HSPA4: variants seen among roughly 807,000 people sequenced by gnomAD.
HSPA4 encodes the protein heat shock 70 kDa protein 4.
Under a neutral mutation model 106.2 loss-of-function variants are expected in HSPA4, and 25 were observed. The observed-to-expected ratio is 0.24, with a 90% CI of 0.17 to 0.33. The LOEUF (loss-of-function observed/expected upper bound fraction) is 0.33. Among genes scored for constraint, HSPA4 ranks in the 10% least tolerant of loss-of-function variants. The pLI, the probability that HSPA4 is intolerant of heterozygous loss-of-function variation, is 1.00. For missense variants in HSPA4, 841 were observed against 996.0 expected (o/e 0.84, Z 2.10); for synonymous variants, 332 against 333.6 (o/e 1.00, Z 0.05).
chr5:133,095,154 AC>A (rs1765695052), intron 13 of HSPA4, among the ~76,000 whole-genome samples: 1 of 152,138 alleles, frequency 6.6e-6, no homozygotes, highest in African/African-American at 2.4e-5. Context: ...TACTAAAAAT[AC>A]AAAAATTAGC....
Position 133,091,848 on chromosome 5 carries a change from A to G in HSPA4, c.1560+474A>G, listed in dbSNP as rs540269568. Among the ~76,000 whole-genome samples the G allele has an allele frequency of 1.1e-4, 17 of 152,048 alleles. 1 individual carries two copies. The South Asian group carries it at 3.5e-3, about 32-fold the overall frequency. Reference sequence around the variant, plus strand: ...TGAGGCCAGCCTGGGCAACAAAGTGAGACCCTCATCTCTACAAAAAGTTAA... The same window carrying G: ...TGAGGCCAGCCTGGGCAACAAAGTGGGACCCTCATCTCTACAAAAAGTTAA... On this transcript the variant is annotated intron_variant, in intron 12 of 18. Coordinates refer to ENST00000304858, the MANE Select transcript of HSPA4 (RefSeq NM_002154.4).
In HSPA4 at chr5:133,106,114, T is replaced by G. The variant is rs1404442782; in HGVS notation, c.*1678T>G. 7 of 52,952 alleles carry G rather than the reference T, an allele frequency of 1.3e-4. No homozygotes were observed. The highest frequency in any genetic ancestry group is 7.1e-4 in the African/African-American group (6 of 8,472). The allele number at this position is 52,952 out of a possible 1,614,324, so 3.3% of individuals were successfully genotyped here. ...TAAAAAAAAAAAAATTTTTTTTTTT[T>G]TTTTTTTTTTTTTTTTTTTTTTTTT... On this transcript the variant is annotated 3_prime_UTR_variant, in exon 19 of 19. Transcript: ENST00000304858.
chr5:133,052,422 A>AC (rs1765093033), intron 1 of HSPA4, 65 bp downstream of exon 1: 3 of 1,117,554 alleles, frequency 2.7e-6, no homozygotes, highest in Admixed American at 2.8e-5. Flanking sequence ...CCAGTCTGGG[A>AC]CCCTCGCTGC....
chr5:133,053,131 G>A (rs187301443), intron 1 of HSPA4, among the ~76,000 whole-genome samples: 17 of 152,216 alleles, frequency 1.1e-4, no homozygotes, highest in Non-Finnish European at 2.4e-4. Context: ...TCAAGGGCCC[G>A]CCTTGACTTC....
chr5:133,062,925 A>G (rs566732852), intron 1 of HSPA4, among the ~76,000 whole-genome samples: 1 of 152,238 alleles, frequency 6.6e-6, no homozygotes, highest in South Asian at 2.1e-4. Context: ...TCAGTAGTTC[A>G]TCTAATTTAG....
chr5:133,069,649 A>G (rs1002345900), intron 3 of HSPA4, among the ~76,000 whole-genome samples: 2 of 152,232 alleles, frequency 1.3e-5, no homozygotes, highest in African/African-American at 4.8e-5. Context: ...GCATGTCCTC[A>G]TATTAGATTG....
chr5:133,084,233 A>G (rs1765550702), intron 7 of HSPA4, among the ~76,000 whole-genome samples: 1 of 152,238 alleles, frequency 6.6e-6, no homozygotes, highest in South Asian at 2.1e-4. Context: ...TAGTCAGCAT[A>G]AAATTGAGAT....
intron 1 of HSPA4, among the ~76,000 whole-genome samples, chr5:133,060,816 C>CTTTTTTTTTTTTTTTTTT (rs34721359): frequency 1.1e-5 from 1 of 95,154 alleles, no homozygotes; most frequent in Non-Finnish European, 2.1e-5. Flanking sequence ...TGAAACAGGA[C>CTTTTTTTTTTTTTTTTTT]TTTTTTTTTT....
chr5:133,074,219 A>G, intron 6 of HSPA4, 93 bp downstream of exon 6: 1 of 745,732 alleles, frequency 1.3e-6, no homozygotes, highest in Non-Finnish European at 2.2e-6. Context: ...ACAATATGGG[A>G]GAAACAATGC....
chr5:133,057,063 A>C (rs1171396475), intron 1 of HSPA4, among the ~76,000 whole-genome samples: 1 of 152,214 alleles, frequency 6.6e-6, no homozygotes, highest in Non-Finnish European at 1.5e-5. Context: ...GTACTTTTAA[A>C]GTGCAAAGGT....
intron 6 of HSPA4, 57 bp from the exon 7 acceptor site, chr5:133,076,594 TATC>T: frequency 1.4e-6 from 2 of 1,460,940 alleles, no homozygotes; most frequent in Non-Finnish European, 1.9e-6. Context: ...GGTAAATATA[TATC>T]ATCTGTTTCA....
At chr5:133,094,784 CG>C (rs1765690062) in intron 13 of HSPA4, among the ~76,000 whole-genome samples, 1 of 152,012 alleles carries the variant, frequency 6.6e-6, no homozygotes. Context: ...TTTCAGCAGC[CG>C]ACTTAAGTTA....
At chr5:133,076,615 T>C (rs377455313) in intron 6 of HSPA4, 39 bp from the exon 7 acceptor site, 2 of 1,573,636 alleles carry the variant, frequency 1.3e-6, no homozygotes, top group Non-Finnish European at 8.7e-7. Flanking sequence ...TCAAAATCGA[T>C]TGGTTAATTG....
At position 133,070,453 on chromosome 5, in the gene HSPA4, C is replaced by T. The variant is rs1432760098; in HGVS notation, c.386C>T (p.Ala129Val). The change falls in exon 4 of 19, where the codon GCC becomes GTC. Residue 129 changes from alanine to valine, a missense_variant. Coordinates refer to ENST00000304858, the MANE Select transcript of HSPA4 (RefSeq NM_002154.4). ...CTTTTGTCCAAACTGAAGGAGACAG[C>T]CGAAAGTGTTCTTAAGAAGCCTGTA... ...AMLLSKLKET[A>V]ESVLKKPVVD... The T allele has an allele frequency of 1.9e-6, 3 of 1,613,362 alleles. No homozygotes were observed. Among genetic ancestry groups the T allele is most frequent in the East Asian group, 4.5e-5 (2 of 44,840 alleles).
intron 3 of HSPA4, 37 bp from the exon 4 acceptor site, chr5:133,070,337 T>C (rs1561578445): frequency 4.4e-6 from 7 of 1,577,674 alleles, no homozygotes; most frequent in Non-Finnish European, 6.0e-6. Context: ...AAGAAAGAAA[T>C]ATAATAAGTC....
chr5:133,063,511 A>T (rs1004293792), intron 1 of HSPA4, among the ~76,000 whole-genome samples: 11 of 148,966 alleles, frequency 7.4e-5, no homozygotes, highest in African/African-American at 2.5e-4. Context: ...GCTCACTGCA[A>T]CCTCCGTCTC....
intron 14 of HSPA4, 45 bp from the exon 15 acceptor site, chr5:133,097,116 A>G (rs1322253574): frequency 6.6e-7 from 1 of 1,508,592 alleles, no homozygotes; most frequent in Admixed American, 1.7e-5. Context: ...TTAAGAGGAA[A>G]TTAGTTGTCC....
chr5:133,088,637 G>GTT, intron 9 of HSPA4, 82 bp downstream of exon 9: 2 of 1,208,512 alleles, frequency 1.7e-6, no homozygotes, highest in Non-Finnish European at 1.2e-6. Flanking sequence ...AATAACCTGG[G>GTT]ATTAGCTCAG....
chr5:133,089,356 C>T (rs1025272208), intron 10 of HSPA4, among the ~76,000 whole-genome samples, 195 bp downstream of exon 10: 3 of 152,108 alleles, frequency 2.0e-5, no homozygotes, highest in Non-Finnish European at 2.9e-5. Flanking sequence ...CTGAAATCAT[C>T]AGTGCCTTTT....
Sources: gnomAD v4.1 joint callset for allele counts (sites outside exome capture counted in the v4.1 genomes callset) on GRCh38, gnomAD v4.1.1 for gene constraint, MANE v1.5 for transcripts, NCBI Gene and HGNC (gene_info 2026-07-23, HGNC 2026-07-21) for gene names.